Variants in CCDC85A observed in about 807,000 individuals in gnomAD.
CCDC85A encodes the protein coiled-coil domain-containing protein 85A.
In CCDC85A, 38 loss-of-function variants were observed where a neutral mutation model predicts 50.2. That is an observed-to-expected ratio of 0.76 (90% confidence interval 0.58 to 0.99). CCDC85A has a LOEUF of 0.99. CCDC85A is among the 50% of genes least tolerant of loss of function. The pLI, the probability that CCDC85A is intolerant of heterozygous loss-of-function variation, is 0.00. For synonymous variants in CCDC85A, 366 were observed against 301.4 expected, an observed-to-expected ratio of 1.21 and a Z score of -2.22; for missense variants, 820 against 742.0, an observed-to-expected ratio of 1.11 and a Z score of -1.22.
chr2:56,253,697 G>T (rs1467357610), intron 2 of CCDC85A, among the ~76,000 whole-genome samples: 1 of 152,188 alleles, frequency 6.6e-6, no homozygotes, highest in African/African-American at 2.4e-5. Flanking sequence ...GCATAGAAGA[G>T]AGTGGATTCA....
At chr2:56,185,474 A>G (rs762075692) in intron 1 of CCDC85A, among the ~76,000 whole-genome samples, 3 of 152,052 alleles carry the variant, frequency 2.0e-5, no homozygotes, top group South Asian at 2.1e-4. Context: ...TCTTCTCCCA[A>G]TTCCTGTGCT....
chr2:56,322,876 A>G (rs1573255327), intron 2 of CCDC85A, among the ~76,000 whole-genome samples: 2 of 152,206 alleles, frequency 1.3e-5, no homozygotes, highest in South Asian at 2.1e-4. Context: ...TCACAATAGC[A>G]TAGACTTGGA....
rs142033630 is a variant in CCDC85A, at chr2:56,243,894, G to C, written c.1240+50454G>C. 3.2e-3 allele frequency among the ~76,000 whole-genome samples: 484 copies of C among 152,322 alleles called. 9 individuals carry two copies. The highest frequency in any genetic ancestry group is 0.011 in the African/African-American group (469 of 41,576). On this transcript the variant is annotated intron_variant, in intron 2 of 5. Transcript: ENST00000407595. ...ATACCATAGTTCTTGCAGACTCATA[G>C]AGGTATTGCCTTGGTGGTCTTGGAT...
intron 2 of CCDC85A, among the ~76,000 whole-genome samples, chr2:56,204,045 G>A (rs1676855794): frequency 6.6e-6 from 1 of 152,116 alleles, no homozygotes; most frequent in Non-Finnish European, 1.5e-5. Context: ...CATCAAGCAA[G>A]GGGCTTAGAA....
intron 2 of CCDC85A, among the ~76,000 whole-genome samples, chr2:56,224,553 A>G (rs929355975): frequency 3.9e-5 from 6 of 152,138 alleles, no homozygotes; most frequent in African/African-American, 1.4e-4. Flanking sequence ...AAGTGGCTGT[A>G]CCATTTTACA....
chr2:56,290,217 G>A (rs1225542090), intron 2 of CCDC85A, among the ~76,000 whole-genome samples: 3 of 152,158 alleles, frequency 2.0e-5, no homozygotes, highest in African/African-American at 7.2e-5. Flanking sequence ...TTATCTTTCT[G>A]TCATCCTAGC....
chr2:56,317,042 T>C (rs1672953059), intron 2 of CCDC85A, among the ~76,000 whole-genome samples: 1 of 152,096 alleles, frequency 6.6e-6, no homozygotes, highest in Non-Finnish European at 1.5e-5. Context: ...GCTTCAAATA[T>C]TGGGAAATTA....
intron 2 of CCDC85A, among the ~76,000 whole-genome samples, chr2:56,317,227 T>C (rs1012326273): frequency 7.2e-5 from 11 of 152,130 alleles, no homozygotes; most frequent in African/African-American, 2.2e-4. Flanking sequence ...AATGAAAATA[T>C]GTAGTTACTC....
chr2:56,367,270 T>C (rs531111160), intron 3 of CCDC85A, among the ~76,000 whole-genome samples: 2 of 152,284 alleles, frequency 1.3e-5, no homozygotes, highest in South Asian at 2.1e-4. Flanking sequence ...TAGGATGATA[T>C]GGGTATTTTC....
At chr2:56,221,047 A>G (rs1333686274) in intron 2 of CCDC85A, among the ~76,000 whole-genome samples, 1 of 151,922 alleles carries the variant, frequency 6.6e-6, no homozygotes, top group African/African-American at 2.4e-5. Context: ...TTTGTAAAAA[A>G]GTCTGTGTTG....
chr2:56,353,443 C>T (rs181508920), intron 3 of CCDC85A, among the ~76,000 whole-genome samples: 2 of 152,298 alleles, frequency 1.3e-5, no homozygotes, highest in South Asian at 2.1e-4. Context: ...AGAGCTAACT[C>T]CTTCATTTCT....
intron 2 of CCDC85A, among the ~76,000 whole-genome samples, chr2:56,295,890 C>A (rs747922306): frequency 2.6e-5 from 4 of 152,166 alleles, no homozygotes; most frequent in Non-Finnish European, 5.9e-5. Context: ...CCAGGTGCTG[C>A]GTGCCTGAGG....
At chr2:56,373,273 T>A (rs1209933819) in intron 4 of CCDC85A, among the ~76,000 whole-genome samples, 3 of 152,144 alleles carry the variant, frequency 2.0e-5, no homozygotes, top group Non-Finnish European at 2.9e-5. Context: ...CAAAGCTAGT[T>A]TGAAGTATAA....
At chr2:56,331,064 C>T (rs1673766052) in intron 2 of CCDC85A, among the ~76,000 whole-genome samples, 1 of 152,094 alleles carries the variant, frequency 6.6e-6, no homozygotes, top group African/African-American at 2.4e-5. Flanking sequence ...AGAATGAAAT[C>T]ATGTCTTTTG....
chr2:56,245,069 C>T (rs1202536631), intron 2 of CCDC85A, among the ~76,000 whole-genome samples: 1 of 152,202 alleles, frequency 6.6e-6, no homozygotes, highest in Non-Finnish European at 1.5e-5. Context: ...CTTAGCCACC[C>T]TGACTGGTGT....
chr2:56,315,555 G>A (rs1359996972), intron 2 of CCDC85A, among the ~76,000 whole-genome samples: 1 of 152,090 alleles, frequency 6.6e-6, no homozygotes, highest in Non-Finnish European at 1.5e-5. Flanking sequence ...GAGTAGGTAA[G>A]ACCACCATAT....
chr2:56,321,132 G>C (rs1179671943), intron 2 of CCDC85A, among the ~76,000 whole-genome samples: 1 of 151,988 alleles, frequency 6.6e-6, no homozygotes, highest in African/African-American at 2.4e-5. Context: ...GTATTGATGG[G>C]ATGTATCTCA....
chr2:56,373,586 C>G (rs1378532602), intron 4 of CCDC85A, among the ~76,000 whole-genome samples: 4 of 152,060 alleles, frequency 2.6e-5, no homozygotes, highest in African/African-American at 9.7e-5. Flanking sequence ...ATCTTTTTAC[C>G]AGGTCTGGAA....
In CCDC85A at chr2:56,234,471, C is replaced by A. The variant is rs573519375; in HGVS notation, c.1240+41031C>A. On this transcript the variant is annotated intron_variant, in intron 2 of 5. Transcript: ENST00000407595. ...TTCTCAGCAGCTGCTCTTGTCACTT[C>A]AAAATGTCTTGGCTGCAATTATCTT... Among the ~76,000 whole-genome samples the A allele has an allele frequency of 4.3e-4, 66 of 152,220 alleles. 1 individual carries two copies. The highest frequency in any genetic ancestry group is 1.5e-3 in the African/African-American group (64 of 41,544).
Sources: allele counts gnomAD v4.1 joint callset (sites outside exome capture counted in the v4.1 genomes callset), GRCh38; gene constraint gnomAD v4.1.1; transcripts MANE v1.5; gene names NCBI Gene and HGNC (gene_info 2026-07-23, HGNC 2026-07-21).